Variants in CATSPERE observed in about 807,000 individuals in gnomAD.
The protein encoded by CATSPERE is cation channel sperm-associated auxiliary subunit epsilon.
A neutral mutation model predicts 114.1 loss-of-function variants in CATSPERE; 93 were observed. The observed-to-expected ratio is 0.81, with a 90% CI of 0.69 to 0.97. The LOEUF (loss-of-function observed/expected upper bound fraction) is 0.97, where lower values mean the gene tolerates loss of function less well. Ranked by LOEUF, CATSPERE falls within the 50% of genes least tolerant of loss-of-function variation. The pLI, the probability that CATSPERE is intolerant of heterozygous loss-of-function variation, is 0.00. For missense variants in CATSPERE, 1,058 were observed against 1,131.6 expected, an observed-to-expected ratio of 0.93 and a Z score of 0.93; for synonymous variants, 341 against 384.1, an observed-to-expected ratio of 0.89 and a Z score of 1.31.
Position 244,575,025 on chromosome 1 carries a change from CTCTA to C in CATSPERE, c.1950+2257_1950+2260del, listed in dbSNP as rs1665027824. 5.3e-5 allele frequency among the ~76,000 whole-genome samples: 8 copies of C among 151,280 alleles called. No individual in the cohort carries two copies. The South Asian group carries it at 1.7e-3, about 32-fold the overall frequency. On this transcript the variant is annotated intron_variant, in intron 11 of 21. Coordinates refer to ENST00000366534, the MANE Select transcript of CATSPERE (RefSeq NM_001130957.2). This position sits in a 1 kb window ranked among gnomAD's most constrained non-coding sequence, Gnocchi z 4.5. ...AGTCTCTCGCTCACTTATTCTCTCC[CTCTA>C]TCTCTCTCTCTCATTTGCGCTGTCT...
At chr1:244,595,796 G>A (rs1456631818) in intron 17 of CATSPERE, among the ~76,000 whole-genome samples, 1 of 152,192 alleles carries the variant, frequency 6.6e-6, no homozygotes, top group Non-Finnish European at 1.5e-5. Context: ...AGCCGGGCGT[G>A]GTGGCGGGCA....
chr1:244,547,257 A>ATT (rs35569060), intron 8 of CATSPERE, among the ~76,000 whole-genome samples: 1 of 152,072 alleles, frequency 6.6e-6, no homozygotes, highest in East Asian at 1.9e-4. Context: ...AAAAATGAAG[A>ATT]TTTTCACAGG....
At chr1:244,522,784 G>C (rs572692060) in intron 8 of CATSPERE, among the ~76,000 whole-genome samples, 1 of 152,086 alleles carries the variant, frequency 6.6e-6, no homozygotes, top group Non-Finnish European at 1.5e-5. Context: ...GACTAAACCA[G>C]GAAGAAGCTG....
chr1:244,486,282 G>A (rs372224220), intron 5 of CATSPERE, among the ~76,000 whole-genome samples: 2 of 152,052 alleles, frequency 1.3e-5, no homozygotes, highest in African/African-American at 2.4e-5. Flanking sequence ...GTAGACCCTC[G>A]TAGTCACCTG....
intron 17 of CATSPERE, among the ~76,000 whole-genome samples, chr1:244,597,700 T>A (rs1668638292): frequency 6.6e-6 from 1 of 152,212 alleles, no homozygotes; most frequent in South Asian, 2.1e-4. Context: ...TACAGTTCTG[T>A]GTTTTTGAAT....
chr1:244,582,945 A>AAATCAG (rs1666427781), intron 12 of CATSPERE, among the ~76,000 whole-genome samples: 1 of 5,310 alleles, frequency 1.9e-4, no homozygotes, highest in African/African-American at 3.5e-4. Context: ...ATATATATAT[A>AAATCAG]TATATATATA....
chr1:244,481,074 A>T (rs1430515847), intron 5 of CATSPERE, among the ~76,000 whole-genome samples: 2 of 152,074 alleles, frequency 1.3e-5, no homozygotes, highest in Non-Finnish European at 2.9e-5. Context: ...CAGAAATTTG[A>T]AGTTACTGTG....
chr1:244,624,373 C>G (rs1011042601), intron 20 of CATSPERE, among the ~76,000 whole-genome samples: 1 of 152,188 alleles, frequency 6.6e-6, no homozygotes, highest in Non-Finnish European at 1.5e-5. Context: ...ATTTTACCCA[C>G]AGTGGAACTT....
At chr1:244,587,809 T>C (rs539655184) in intron 13 of CATSPERE, among the ~76,000 whole-genome samples, 7 of 152,206 alleles carry the variant, frequency 4.6e-5, no homozygotes, top group Non-Finnish European at 1.0e-4. Context: ...GTCAGATTAG[T>C]AGCTGGACAG....
At chr1:244,512,003 C>CA (rs1441153037) in intron 7 of CATSPERE, among the ~76,000 whole-genome samples, 2 of 152,154 alleles carry the variant, frequency 1.3e-5, no homozygotes, top group African/African-American at 4.8e-5. Flanking sequence ...GTTTGAAATT[C>CA]ATGTACCTTG....
At chr1:244,632,370 G>A (rs1309360708) in intron 20 of CATSPERE, among the ~76,000 whole-genome samples, 4 of 138,126 alleles carry the variant, frequency 2.9e-5, no homozygotes, top group African/African-American at 1.1e-4. Context: ...CTCCAGCCTG[G>A]GCAATAGAGT....
intron 2 of CATSPERE, among the ~76,000 whole-genome samples, chr1:244,469,724 A>G (rs562172179): frequency 6.6e-6 from 1 of 152,342 alleles, no homozygotes; most frequent in East Asian, 1.9e-4. Context: ...ATTCAAGAGT[A>G]CCAGAATAGA....
intron 9 of CATSPERE, among the ~76,000 whole-genome samples, chr1:244,557,527 AT>A (rs1661766555): frequency 1.2e-5 from 1 of 84,382 alleles, no homozygotes; most frequent in Non-Finnish European, 2.3e-5. Context: ...TTTATTTGAA[AT>A]ATTCATATAT....
chr1:244,605,121 T>G (rs1182186429), intron 17 of CATSPERE, among the ~76,000 whole-genome samples: 1 of 152,162 alleles, frequency 6.6e-6, no homozygotes, highest in African/African-American at 2.4e-5. Flanking sequence ...TTCCAGCTGG[T>G]TCCTCCTAGG....
chr1:244,535,727 C>T (rs3005977), intron 8 of CATSPERE, among the ~76,000 whole-genome samples: 151,566 of 152,288 alleles, frequency 1, 75,430 homozygotes, highest in Middle Eastern at 1. Flanking sequence ...ATGCCGGGAA[C>T]TGGGGACCCT....
chr1:244,492,491 C>T, intron 6 of CATSPERE, among the ~76,000 whole-genome samples: 3 of 147,580 alleles, frequency 2.0e-5, no homozygotes, highest in African/African-American at 7.5e-5. Context: ...CAATATCATA[C>T]TGAATGGGCA....
chr1:244,488,421 A>G (rs987061618), intron 5 of CATSPERE, among the ~76,000 whole-genome samples: 5 of 151,994 alleles, frequency 3.3e-5, no homozygotes, highest in Non-Finnish European at 7.4e-5. Context: ...TTAAATGTCA[A>G]TTCAATCCAG....
intron 17 of CATSPERE, among the ~76,000 whole-genome samples, chr1:244,603,825 G>C (rs1361779657): frequency 6.6e-6 from 1 of 152,114 alleles, no homozygotes; most frequent in Admixed American, 6.6e-5. Context: ...GGACAACATA[G>C]TGAGACTCCC....
chr1:244,566,493 T>G (rs930770576), intron 10 of CATSPERE, among the ~76,000 whole-genome samples: 2 of 152,052 alleles, frequency 1.3e-5, no homozygotes, highest in Admixed American at 6.6e-5. Context: ...ACTTGCTTTA[T>G]GAATCTGGGT....
Sources: allele counts gnomAD v4.1 joint callset (sites outside exome capture counted in the v4.1 genomes callset), GRCh38; gene constraint gnomAD v4.1.1; non-coding constraint Gnocchi (gnomAD v3.1); transcripts MANE v1.5; gene names NCBI Gene and HGNC (gene_info 2026-07-23, HGNC 2026-07-21).